Variants in ADGRV1 observed in about 807,000 individuals in gnomAD.
ADGRV1 encodes G-protein coupled receptor 98.
Under a neutral mutation model 596.2 loss-of-function variants are expected in ADGRV1, and 359 were observed. The ratio of observed to expected loss-of-function variants is 0.60; its 90% CI spans 0.55 to 0.66. The LOEUF (loss-of-function observed/expected upper bound fraction) is 0.66. ADGRV1 is among the 30% of genes least tolerant of loss of function. ADGRV1 has a pLI of 0.00. For missense variants in ADGRV1, 7,274 were observed against 7,575.6 expected (o/e 0.96, Z 1.48); for synonymous variants, 2,681 against 2,679.2 (o/e 1.00, Z -0.02).
rs575690654 is a variant in ADGRV1 at position 91,044,876 on chromosome 5, G to A, written c.18153-27571G>A. ...GTTTATAGTCTGTTTAGAGCAACAAGACAAAAAACCTGTAAGAAATCAGTA... is the reference window on the plus strand; with the variant it reads ...GTTTATAGTCTGTTTAGAGCAACAAAACAAAAAACCTGTAAGAAATCAGTA... On this transcript the variant is annotated intron_variant, in intron 85 of 89. Coordinates refer to ENST00000405460, the MANE Select transcript of ADGRV1 (RefSeq NM_032119.4). Among the ~76,000 whole-genome samples, 7 of 152,120 alleles carry A rather than the reference G, an allele frequency of 4.6e-5. No homozygotes were observed. In the East Asian group the frequency reaches 1.4e-3, roughly 29 times the overall value.
intron 83 of ADGRV1, among the ~76,000 whole-genome samples, chr5:90,938,761 TCACTGAAA>T (rs1775926202): frequency 6.6e-6 from 1 of 152,180 alleles, no homozygotes; most frequent in African/African-American, 2.4e-5. Flanking sequence ...TTTTTATTAA[TCACTGAAA>T]CACTGAAGAA....
intron 83 of ADGRV1, among the ~76,000 whole-genome samples, chr5:90,890,657 A>G (rs569884147): frequency 6.6e-6 from 1 of 152,166 alleles, no homozygotes; most frequent in Non-Finnish European, 1.5e-5. Flanking sequence ...ACGCCTCCTT[A>G]CATATAAATG....
chr5:90,966,052 A>G (rs1363559982), intron 84 of ADGRV1, among the ~76,000 whole-genome samples: 1 of 152,180 alleles, frequency 6.6e-6, no homozygotes, highest in East Asian at 1.9e-4. Flanking sequence ...AGCTAGAACT[A>G]TAGGATGTGA....
intron 85 of ADGRV1, among the ~76,000 whole-genome samples, chr5:91,025,331 A>G (rs1015861698): frequency 7.0e-6 from 1 of 143,100 alleles, no homozygotes; most frequent in Admixed American, 6.8e-5. Context: ...CTAAGGGCAA[A>G]AGGAAGATTT....
intron 86 of ADGRV1, among the ~76,000 whole-genome samples, chr5:91,098,613 A>G (rs542815563): frequency 2.0e-5 from 3 of 152,314 alleles, no homozygotes; most frequent in Admixed American, 2.0e-4. Flanking sequence ...ATGCTGAGTT[A>G]TTTATGACTA....
At chr5:90,677,190 G>A (rs1229953658) in intron 25 of ADGRV1, among the ~76,000 whole-genome samples, 1 of 152,062 alleles carries the variant, frequency 6.6e-6, no homozygotes, top group African/African-American at 2.4e-5. Context: ...TAGTACATAA[G>A]CCATCCAAAG....
At chr5:91,073,586 T>C (rs1392403972) in intron 86 of ADGRV1, among the ~76,000 whole-genome samples, 1 of 152,236 alleles carries the variant, frequency 6.6e-6, no homozygotes, top group Non-Finnish European at 1.5e-5. Context: ...CCTTGTAGTA[T>C]AAAGAAAAGA....
rs536186086 is a variant in ADGRV1, at chr5:90,902,438, C to T, written c.17856+38581C>T. 1.1e-3 allele frequency among the ~76,000 whole-genome samples: 168 copies of T among 152,202 alleles called. 2 individuals carry two copies. Among genetic ancestry groups the T allele is most frequent in the African/African-American group, 3.9e-3 (161 of 41,558 alleles). ...AAGGAAGGGTTTCCATTAGCTATTC[C>T]GTTCTCAACCAAGTTACATATGTTG... On this transcript the variant is annotated intron_variant, in intron 83 of 89. Coordinates refer to ENST00000405460, the MANE Select transcript of ADGRV1 (RefSeq NM_032119.4).
At chr5:90,897,199 CATATAA>C (rs1227016112) in intron 83 of ADGRV1, among the ~76,000 whole-genome samples, 2 of 152,146 alleles carry the variant, frequency 1.3e-5, no homozygotes, top group African/African-American at 2.4e-5. Context: ...TATATACTTA[CATATAA>C]ATATAAATAT....
chr5:90,853,206 T>C (rs1766701416), intron 79 of ADGRV1, 78 bp from the exon 80 acceptor site: 1 of 1,353,552 alleles, frequency 7.4e-7, no homozygotes, highest in Admixed American at 2.2e-5. Context: ...CCAAGTGTAA[T>C]GCACTTTAAC....
intron 64 of ADGRV1, among the ~76,000 whole-genome samples, chr5:90,780,570 T>G (rs1758729645): frequency 6.6e-6 from 1 of 152,188 alleles, no homozygotes. Flanking sequence ...AAAAAAGACT[T>G]CTTTTGCAGA....
chr5:90,600,366 C>T (rs532252036), intron 1 of ADGRV1, among the ~76,000 whole-genome samples: 3 of 152,136 alleles, frequency 2.0e-5, no homozygotes, highest in Non-Finnish European at 4.4e-5. Flanking sequence ...CAGTTGTTCT[C>T]ATTGTTCAGT....
chr5:90,792,737 T>C (rs1458668535), intron 70 of ADGRV1: 3 of 152,006 alleles, frequency 2.0e-5, no homozygotes, highest in African/African-American at 7.2e-5. Context: ...TGAGAAAGAG[T>C]AATAAAAACA....
intron 13 of ADGRV1, 129 bp from the exon 14 acceptor site, chr5:90,643,674 T>G: frequency 1.6e-6 from 1 of 622,428 alleles, no homozygotes; most frequent in Non-Finnish European, 2.6e-6. Flanking sequence ...ATACCACCTC[T>G]TTTGTCCTTT....
At chr5:90,993,871 T>C (rs1781181123) in intron 85 of ADGRV1, among the ~76,000 whole-genome samples, 2 of 152,150 alleles carry the variant, frequency 1.3e-5, no homozygotes, top group African/African-American at 4.8e-5. Flanking sequence ...TTGGTACATT[T>C]GATGCTGTTC....
chr5:90,971,190 T>A (rs891664012), intron 84 of ADGRV1, among the ~76,000 whole-genome samples: 37 of 152,104 alleles, frequency 2.4e-4, no homozygotes, highest in Non-Finnish European at 4.4e-5. Context: ...CCAAGAAACA[T>A]GGGACTATGT....
intron 10 of ADGRV1, among the ~76,000 whole-genome samples, chr5:90,636,703 G>C (rs887913210): frequency 6.6e-6 from 1 of 152,092 alleles, no homozygotes; most frequent in East Asian, 1.9e-4. Flanking sequence ...CAGGGCCCCA[G>C]CCCTCTGTTA....
chr5:90,618,990 C>A, intron 3 of ADGRV1, 96 bp from the exon 4 acceptor site: 1 of 536,866 alleles, frequency 1.9e-6, no homozygotes, highest in South Asian at 4.1e-5. Flanking sequence ...TTATTATATT[C>A]TGAATAACTA....
intron 85 of ADGRV1, among the ~76,000 whole-genome samples, chr5:90,995,789 T>C (rs1781362891): frequency 1.3e-5 from 2 of 152,286 alleles, no homozygotes; most frequent in East Asian, 1.9e-4. Flanking sequence ...CAGATGGAGA[T>C]GAGGAACTTA....
Sources: gnomAD v4.1 joint callset for allele counts (sites outside exome capture counted in the v4.1 genomes callset) on GRCh38, gnomAD v4.1.1 for gene constraint, MANE v1.5 for transcripts, NCBI Gene and HGNC (gene_info 2026-07-23, HGNC 2026-07-21) for gene names.